Variants in PSD3 observed in about 807,000 individuals in gnomAD.
PSD3 encodes pleckstrin and Sec7 domain containing 3, also known as PH and SEC7 domain-containing protein 3.
A neutral mutation model predicts 105.5 loss-of-function variants in PSD3; 49 were observed. That is an observed-to-expected ratio of 0.46 (90% confidence interval 0.37 to 0.59). PSD3 has a LOEUF of 0.59. Ranked by LOEUF, PSD3 falls within the 20% of genes least tolerant of loss-of-function variation. The pLI is 0.00. For synonymous variants in PSD3, 557 were observed against 457.8 expected (o/e 1.22, Z -2.77); for missense variants, 1,561 against 1,263.8 (o/e 1.24, Z -3.57).
chr8:19,059,599 CA>C (rs1828828224), intron 1 of PSD3, among the ~76,000 whole-genome samples: 1 of 152,126 alleles, frequency 6.6e-6, no homozygotes, highest in African/African-American at 2.4e-5. Flanking sequence ...TGTGCCTAGA[CA>C]GGGAGATTAT....
intron 1 of PSD3, among the ~76,000 whole-genome samples, chr8:19,057,799 C>T (rs1487034315): frequency 1.3e-5 from 2 of 152,150 alleles, no homozygotes; most frequent in African/African-American, 2.4e-5. Flanking sequence ...CAAATACTGG[C>T]AAGGATGTGG....
At chr8:18,651,792 C>T (rs1808500254) in intron 10 of PSD3, among the ~76,000 whole-genome samples, 1 of 152,120 alleles carries the variant, frequency 6.6e-6, no homozygotes, top group Admixed American at 6.5e-5. Flanking sequence ...AGGCTTTGAA[C>T]ATAAAATGAT....
chr8:18,602,157 T>C (rs1411934086), intron 11 of PSD3, among the ~76,000 whole-genome samples: 3 of 152,192 alleles, frequency 2.0e-5, no homozygotes, highest in Non-Finnish European at 1.5e-5. Flanking sequence ...CCCCGAGCCC[T>C]AAAACTAATT....
At chr8:18,928,834 T>C (rs1264121746) in intron 2 of PSD3, among the ~76,000 whole-genome samples, 4 of 151,670 alleles carry the variant, frequency 2.6e-5, no homozygotes, top group African/African-American at 9.7e-5. Context: ...CTGCCTTTTA[T>C]CCTTTCCTCT....
intron 4 of PSD3, among the ~76,000 whole-genome samples, chr8:18,861,421 C>A (rs1816436357): frequency 6.6e-6 from 1 of 152,140 alleles, no homozygotes; most frequent in African/African-American, 2.4e-5. Context: ...AGTCTTACAT[C>A]TAAAAGGGTG....
At chr8:18,780,604 T>C (rs1808515192) in intron 8 of PSD3, among the ~76,000 whole-genome samples, 1 of 151,978 alleles carries the variant, frequency 6.6e-6, no homozygotes, top group South Asian at 2.1e-4. Context: ...CAGGCTGGAG[T>C]GTGCAGTGGT....
chr8:18,862,864 G>C (rs922065700), intron 4 of PSD3, among the ~76,000 whole-genome samples: 1 of 142,638 alleles, frequency 7.0e-6, no homozygotes, highest in African/African-American at 2.6e-5. Context: ...TTCCATTTGA[G>C]AAGGAGGAGA....
upstream of PSD3, among the ~76,000 whole-genome samples, chr8:19,018,007 T>C (rs1827231284): frequency 6.6e-6 from 1 of 152,192 alleles, no homozygotes; most frequent in Non-Finnish European, 1.5e-5. Flanking sequence ...CACTCTACAT[T>C]CCTACCAGAG....
intron 1 of PSD3, among the ~76,000 whole-genome samples, chr8:19,054,679 A>G (rs999076067): frequency 6.6e-6 from 1 of 152,212 alleles, no homozygotes; most frequent in Non-Finnish European, 1.5e-5. Flanking sequence ...CATATTAATA[A>G]TACCTGTGAG....
intron 4 of PSD3, among the ~76,000 whole-genome samples, chr8:18,812,639 C>T (rs144113320): frequency 4.6e-5 from 7 of 152,044 alleles, no homozygotes; most frequent in Admixed American, 2.0e-4. Context: ...GGGTTACCAT[C>T]GACCAAGACA....
At chr8:18,812,039 G>A (rs1249682810) in intron 4 of PSD3, among the ~76,000 whole-genome samples, 1 of 152,110 alleles carries the variant, frequency 6.6e-6, no homozygotes, top group Non-Finnish European at 1.5e-5. Flanking sequence ...GTGTGCCTCT[G>A]GGCCATATGA....
At chr8:18,965,528 T>C (rs1159068010) in intron 1 of PSD3, among the ~76,000 whole-genome samples, 4 of 152,350 alleles carry the variant, frequency 2.6e-5, no homozygotes, top group Admixed American at 1.3e-4. Context: ...GTTGCCACTG[T>C]GACCATTTAC....
At chr8:18,554,147 T>A (rs1051267712) in intron 15 of PSD3, among the ~76,000 whole-genome samples, 14 of 152,118 alleles carry the variant, frequency 9.2e-5, no homozygotes, top group African/African-American at 3.4e-4. Context: ...ACCCCCCACC[T>A]CCTGGGGACA....
intron 1 of PSD3, among the ~76,000 whole-genome samples, chr8:19,062,640 A>T (rs1174617475): frequency 2.0e-5 from 3 of 152,246 alleles, no homozygotes; most frequent in East Asian, 3.8e-4. Flanking sequence ...ATTTTCTATA[A>T]GTAAAAGACA....
At chr8:18,924,402 T>A (rs983146915) in intron 2 of PSD3, 2 of 151,950 alleles carry the variant, frequency 1.3e-5, no homozygotes, top group African/African-American at 4.8e-5. Context: ...GGCTGGAGAG[T>A]GGAAAGAAAG....
At chr8:18,576,662 C>CT (rs1474316432) in intron 12 of PSD3, among the ~76,000 whole-genome samples, 1 of 152,028 alleles carries the variant, frequency 6.6e-6, no homozygotes, top group South Asian at 2.1e-4. Flanking sequence ...CCCCTCTGGC[C>CT]TTATAATTAC....
intron 2 of PSD3, 40 bp from the exon 3 acceptor site, chr8:18,872,773 A>G (rs1586291046): frequency 6.7e-7 from 1 of 1,494,148 alleles, no homozygotes; most frequent in Non-Finnish European, 9.0e-7. Flanking sequence ...TTGTTGTAGA[A>G]AGACAGGGCC....
chr8:18,968,079 G>C (rs1361322472), intron 1 of PSD3, among the ~76,000 whole-genome samples: 1 of 152,154 alleles, frequency 6.6e-6, no homozygotes, highest in African/African-American at 2.4e-5. Context: ...GGTGGCTCCA[G>C]ATTTATAAAC....
rs1034340222 is a variant in PSD3, at chr8:18,572,761, G to A, written c.2640-89C>T. ...TATTTCACGTTACTGATTTGCAATG[G>A]CATGTGAAAATCATTTACTCCTCCT... On this transcript the variant is annotated intron_variant, in intron 13 of 15. Coordinates refer to ENST00000327040, the MANE Select transcript of PSD3 (RefSeq NM_015310.4). 151 of 1,433,102 alleles carry A rather than the reference G, an allele frequency of 1.1e-4. No individual in the cohort carries two copies. In the East Asian group the frequency reaches 3.4e-3, roughly 33 times the overall value. The allele number at this position is 1,433,102 out of a possible 1,614,324, so 88.8% of individuals were successfully genotyped here.
Sources: allele counts gnomAD v4.1 joint callset (sites outside exome capture counted in the v4.1 genomes callset), GRCh38; gene constraint gnomAD v4.1.1; transcripts MANE v1.5; gene names NCBI Gene and HGNC (gene_info 2026-07-23, HGNC 2026-07-21).